PPFIA1: variants seen among roughly 807,000 people sequenced by gnomAD.
PPFIA1 encodes PPFI scaffold protein A1.
Under a neutral mutation model 149.9 loss-of-function variants are expected in PPFIA1, and 25 were observed. The ratio of observed to expected loss-of-function variants is 0.17; its 90% CI spans 0.12 to 0.23. The LOEUF is 0.23. PPFIA1 is among the 10% of genes least tolerant of loss of function. The pLI is 1.00. For synonymous variants in PPFIA1, 549 were observed against 552.8 expected (o/e 0.99, Z 0.10); for missense variants, 1,362 against 1,506.5 (o/e 0.90, Z 1.59).
Position 70,324,515 on chromosome 11 carries a change from C to A in PPFIA1, c.366+12C>A. 6.3e-7 allele frequency: 1 copy of A among 1,591,088 alleles called. No homozygotes were observed. The highest frequency in any genetic ancestry group is 1.1e-5 in the South Asian group (1 of 89,818). On this transcript the variant is annotated intron_variant, in intron 3 of 27. Coordinates refer to ENST00000253925, the MANE Select transcript of PPFIA1 (RefSeq NM_003626.5). The stretch of plus-strand genomic sequence containing the variant: ...GGAATAACACCAGGGTGAGTGTGAC[C>A]TTTCTGTTCACTGCCTGCCCCTGGA...
chr11:70,285,944 A>G (rs1277370485), intron 2 of PPFIA1, among the ~76,000 whole-genome samples: 1 of 152,154 alleles, frequency 6.6e-6, no homozygotes, highest in Non-Finnish European at 1.5e-5. Context: ...GAAAAAACCA[A>G]ACTTACATAG....
intron 2 of PPFIA1, chr11:70,321,350 A>G (rs2053929297): frequency 6.6e-6 from 1 of 152,188 alleles, no homozygotes. Flanking sequence ...GAGCCACTAG[A>G]CAGGGAGGAG....
At chr11:70,359,965 A>C (rs1398929357) in intron 19 of PPFIA1, among the ~76,000 whole-genome samples, 4 of 152,210 alleles carry the variant, frequency 2.6e-5, no homozygotes, top group Non-Finnish European at 5.9e-5. Flanking sequence ...CCCCCAGAGA[A>C]AACAGGGGCT....
At position 70,343,799 on chromosome 11, in the gene PPFIA1, C is replaced by T; in HGVS notation, c.1838C>T (p.Ser613Leu). The part of the protein sequence containing the change: ...GEDDRDTLLS[S>L]VDLLSPSGQA... ...GATGACAGGGACACTCTCCTCAGCT[C>T]AGTTGACCTGCTATCGCCCAGCGGG... The change falls in exon 15 of 28, where the codon TCA becomes TTA. Residue 613 changes from serine (S) to leucine (L), a missense_variant. Ser to Leu is a moderately radical substitution (Grantham distance 145). Around this residue, in one of 7 missense-constraint regions of PPFIA1, gnomAD observed 733 missense variants for 744.1 expected, o/e 0.99. Coordinates refer to ENST00000253925, the MANE Select transcript of PPFIA1 (RefSeq NM_003626.5). 5 of 1,614,212 alleles carry T rather than the reference C, an allele frequency of 3.1e-6. No individual in the cohort carries two copies. The highest frequency in any genetic ancestry group is 4.2e-6 in the Non-Finnish European group (5 of 1,180,038).
At chr11:70,307,680 G>A (rs979465572) in intron 2 of PPFIA1, among the ~76,000 whole-genome samples, 8 of 152,158 alleles carry the variant, frequency 5.3e-5, no homozygotes, top group Non-Finnish European at 1.2e-4. Context: ...TAGCACTTTG[G>A]GAAGCCATGG....
chr11:70,326,335 A>G lies in PPFIA1; in HGVS notation c.680A>G (p.Gln227Arg). 6.2e-7 allele frequency: 1 copy of G among 1,606,848 alleles called. No homozygotes were observed. The highest frequency in any genetic ancestry group is 8.5e-7 in the Non-Finnish European group (1 of 1,174,456). ...TDGVLDINHE[Q>R]ENTPSTSGKR... ...GGAGTGCTGGACATAAACCATGAAC[A>G]AGAAAATACACCAAGCACGAGTGGA... is the stretch of plus-strand genomic sequence containing the variant. The change falls in exon 6 of 28, where the codon CAA becomes CGA. Residue 227 changes from glutamine (Q) to arginine (R), a missense_variant. This residue lies in a region of PPFIA1 where 733 missense variants were observed against 744.1 expected (regional missense o/e 0.99). Transcript: ENST00000253925.
At chr11:70,352,808 G>A (rs529406013) in intron 16 of PPFIA1, among the ~76,000 whole-genome samples, 7 of 130,572 alleles carry the variant, frequency 5.4e-5, no homozygotes, top group Non-Finnish European at 9.7e-5. Flanking sequence ...GGAGGGCGGC[G>A]TGTGGAGGTG....
At chr11:70,298,165 T>A (rs1031912143) in intron 2 of PPFIA1, among the ~76,000 whole-genome samples, 1 of 152,226 alleles carries the variant, frequency 6.6e-6, no homozygotes, top group African/African-American at 2.4e-5. Context: ...TTTTCTGTTA[T>A]ATCACTGCCC....
chr11:70,359,120 G>A (rs182793101), intron 19 of PPFIA1, among the ~76,000 whole-genome samples: 2 of 152,196 alleles, frequency 1.3e-5, no homozygotes, highest in Admixed American at 1.3e-4. Flanking sequence ...ATAAAAGAAG[G>A]CCCTTGCACC....
intron 2 of PPFIA1, among the ~76,000 whole-genome samples, chr11:70,295,241 C>G: frequency 7.0e-6 from 1 of 143,682 alleles, no homozygotes; most frequent in Admixed American, 6.8e-5. Flanking sequence ...GGCTGACCCC[C>G]CCACCTCCCT....
intron 21 of PPFIA1, chr11:70,365,303 G>A (rs1451990771): frequency 1.8e-5 from 8 of 443,520 alleles, no homozygotes; most frequent in African/African-American, 4.0e-5. Flanking sequence ...TGGCTTATGC[G>A]TGTGCCCCTC....
At chr11:70,351,640 A>G (rs1157311239) in intron 16 of PPFIA1, among the ~76,000 whole-genome samples, 2 of 152,200 alleles carry the variant, frequency 1.3e-5, no homozygotes, top group Non-Finnish European at 2.9e-5. Context: ...CATTTTGAAT[A>G]TCAGATTTTT....
chr11:70,326,199 C>T, intron 5 of PPFIA1, 63 bp from the exon 6 acceptor site: 4 of 959,578 alleles, frequency 4.2e-6, no homozygotes, highest in Non-Finnish European at 6.3e-6. Context: ...AGGAGTTTTG[C>T]TATCTTTACT....
chr11:70,331,792 A>C (rs2054682866), intron 8 of PPFIA1, among the ~76,000 whole-genome samples, 168 bp from the exon 9 acceptor site: 1 of 152,054 alleles, frequency 6.6e-6, no homozygotes, highest in Non-Finnish European at 1.5e-5. Context: ...AAACAAAAAC[A>C]AAAACAAAAA....
At chr11:70,338,522 C>T (rs946360975) in intron 13 of PPFIA1, 69 bp downstream of exon 13, 15 of 1,304,844 alleles carry the variant, frequency 1.1e-5, no homozygotes, top group Non-Finnish European at 1.7e-5. Context: ...GCTATGTGGG[C>T]AGCCTAACTG....
At chr11:70,315,381 C>T (rs1434867184) in intron 2 of PPFIA1, among the ~76,000 whole-genome samples, 2 of 152,124 alleles carry the variant, frequency 1.3e-5, no homozygotes, top group Non-Finnish European at 2.9e-5. Context: ...TGCACCCTGC[C>T]ATCTATCTAT....
chr11:70,323,713 T>C (rs1221126475), intron 2 of PPFIA1, among the ~76,000 whole-genome samples: 1 of 152,202 alleles, frequency 6.6e-6, no homozygotes, highest in Non-Finnish European at 1.5e-5. Context: ...TTTCTTACAA[T>C]GTTCACCTGT....
intron 19 of PPFIA1, among the ~76,000 whole-genome samples, chr11:70,357,917 C>G (rs1159124975): frequency 3.9e-5 from 6 of 152,104 alleles, no homozygotes; most frequent in Admixed American, 3.9e-4. Context: ...TGGGTAATTG[C>G]CATTTGGCCC....
chr11:70,288,088 T>A (rs2051273321), intron 2 of PPFIA1, among the ~76,000 whole-genome samples: 4 of 151,778 alleles, frequency 2.6e-5, no homozygotes, highest in Admixed American at 2.6e-4. Flanking sequence ...TTTTTTTTCT[T>A]TTTTGAGACG....
Sources: gnomAD v4.1 joint callset for allele counts (sites outside exome capture counted in the v4.1 genomes callset) on GRCh38, gnomAD v4.1.1 for gene constraint, gnomAD v4.1.1 regional missense constraint, MANE v1.5 for transcripts, NCBI Gene and HGNC (gene_info 2026-07-23, HGNC 2026-07-21) for gene names.